Variants in TATDN1 observed in about 807,000 individuals in gnomAD.
The protein encoded by TATDN1 is deoxyribonuclease TATDN1.
A neutral mutation model predicts 46.4 loss-of-function variants in TATDN1; 40 were observed. The ratio of observed to expected loss-of-function variants is 0.86; its 90% CI spans 0.67 to 1.12. TATDN1 has a LOEUF of 1.12. Among genes scored for constraint, TATDN1 ranks in the 50% most tolerant of loss-of-function variants. The pLI is 0.00. For missense variants in TATDN1, 326 were observed against 348.4 expected (o/e 0.94, Z 0.51); for synonymous variants, 95 against 105.6 (o/e 0.90, Z 0.62).
At chr8:124,494,007 AT>A in intron 10 of TATDN1, 48 bp from the exon 11 acceptor site, 2 of 1,530,698 alleles carry the variant, frequency 1.3e-6, no homozygotes, top group Non-Finnish European at 1.7e-6. Context: ...ATTTTTAAAA[AT>A]TTTTTATGAC....
chr8:124,508,788 C>T, intron 6 of TATDN1, 100 bp from the exon 7 acceptor site: 1 of 743,814 alleles, frequency 1.3e-6, no homozygotes, highest in Non-Finnish European at 2.1e-6. Context: ...GTATTTAATT[C>T]TCTAGAAATT....
At chr8:124,528,334 C>T (rs1036615863) in intron 1 of TATDN1, among the ~76,000 whole-genome samples, 5 of 152,124 alleles carry the variant, frequency 3.3e-5, no homozygotes, top group South Asian at 2.1e-4. Context: ...CCGCCACACC[C>T]GGCTAATTTT....
At chr8:124,535,613 T>C (rs1821366616) in intron 1 of TATDN1, among the ~76,000 whole-genome samples, 2 of 152,240 alleles carry the variant, frequency 1.3e-5, no homozygotes, top group Admixed American at 1.3e-4. Context: ...AGTATGATCT[T>C]ATTTTGTTTG....
chr8:124,523,666 T>G (rs959642703), intron 1 of TATDN1, among the ~76,000 whole-genome samples: 1 of 152,212 alleles, frequency 6.6e-6, no homozygotes, highest in African/African-American at 2.4e-5. Flanking sequence ...AAATTAGGTA[T>G]TTTAAGTAAT....
intron 9 of TATDN1, among the ~76,000 whole-genome samples, chr8:124,497,979 G>A (rs944275945): frequency 8.5e-5 from 13 of 152,068 alleles, no homozygotes; most frequent in African/African-American, 3.1e-4. Flanking sequence ...AATCTTTAAG[G>A]AGCTCTTATT....
intron 9 of TATDN1, among the ~76,000 whole-genome samples, chr8:124,498,699 G>A (rs769139651): frequency 2.0e-5 from 3 of 152,102 alleles, no homozygotes; most frequent in East Asian, 3.9e-4. Context: ...CACCTGGGCT[G>A]GAGTGCAATG....
intron 9 of TATDN1, among the ~76,000 whole-genome samples, chr8:124,503,584 T>A (rs1818159510): frequency 6.6e-6 from 1 of 152,210 alleles, no homozygotes; most frequent in Admixed American, 6.5e-5. Context: ...GGAAACATAA[T>A]AATTTTAAGG....
chr8:124,503,846 C>G (rs1233027301), intron 9 of TATDN1: 1 of 1,190,826 alleles, frequency 8.4e-7, no homozygotes, highest in Non-Finnish European at 1.1e-6. Context: ...ATACCTGTTT[C>G]CTAATTTCTT....
intron 10 of TATDN1, chr8:124,494,509 G>GGA (rs1817289435): frequency 1.3e-5 from 2 of 152,302 alleles, no homozygotes; most frequent in South Asian, 4.1e-4. Flanking sequence ...GGTATAAGGA[G>GGA]AGCCTTGACA....
chr8:124,503,435 C>T (rs1324044792), intron 9 of TATDN1, among the ~76,000 whole-genome samples: 2 of 152,200 alleles, frequency 1.3e-5, no homozygotes, highest in East Asian at 3.9e-4. Flanking sequence ...TATTCCCTTG[C>T]ATATTAATTA....
intron 1 of TATDN1, 23 bp downstream of exon 1, chr8:124,539,002 G>A: frequency 6.2e-7 from 1 of 1,614,068 alleles, no homozygotes. Flanking sequence ...AAGACCCAAG[G>A]GCGTGGAAAA....
chr8:124,539,026 G>C lies in TATDN1; in HGVS notation c.21C>G (p.Ile7Met). The change falls in exon 1 of 12, where the codon ATC (isoleucine) becomes ATG (methionine). Residue 7 changes from isoleucine to methionine, a missense_variant and splice_region_variant. Ile to Met is a conservative substitution (Grantham distance 10). Transcript: ENST00000276692. ...GGGCGTGGAAAACGCTCCTCTTACC[G>C]ATAAACTTGAAGCGACTCATGACTG... MSRFKF[I>M]DIGINLTDPM... 6.2e-7 allele frequency: 1 copy of C among 1,613,566 alleles called. No homozygotes were observed. Among genetic ancestry groups the C allele is most frequent in the Non-Finnish European group, 8.5e-7 (1 of 1,179,730 alleles).
intron 3 of TATDN1, among the ~76,000 whole-genome samples, chr8:124,520,486 C>T (rs565435889): frequency 3.7e-4 from 56 of 151,544 alleles, no homozygotes; most frequent in Non-Finnish European, 6.9e-4. Context: ...TTTCTTGTTA[C>T]TAACATACCT....
At chr8:124,517,963 G>T (rs2131492069) in intron 4 of TATDN1, among the ~76,000 whole-genome samples, 1 of 152,254 alleles carries the variant, frequency 6.6e-6, no homozygotes, top group South Asian at 2.1e-4. Flanking sequence ...TGTAATCCCA[G>T]CGCTTTGGGA....
At chr8:124,527,045 T>C (rs1820561243) in intron 1 of TATDN1, among the ~76,000 whole-genome samples, 1 of 152,236 alleles carries the variant, frequency 6.6e-6, no homozygotes, top group South Asian at 2.1e-4. Flanking sequence ...ATTTCTTTTA[T>C]TGACGTGCAA....
intron 2 of TATDN1, 32 bp from the exon 3 acceptor site, chr8:124,522,232 C>A: frequency 6.8e-7 from 1 of 1,465,976 alleles, no homozygotes; most frequent in Non-Finnish European, 9.3e-7. Flanking sequence ...TTATGAAAAC[C>A]TGGCAGACAA....
At chr8:124,503,117 A>C (rs950374087) in intron 9 of TATDN1, among the ~76,000 whole-genome samples, 3 of 152,248 alleles carry the variant, frequency 2.0e-5, no homozygotes, top group African/African-American at 7.2e-5. Context: ...TATAGACATA[A>C]TAATGAAAAC....
intron 6 of TATDN1, among the ~76,000 whole-genome samples, chr8:124,514,912 T>C (rs1440763138): frequency 3.3e-5 from 5 of 152,200 alleles, no homozygotes; most frequent in African/African-American, 1.2e-4. Flanking sequence ...AAATAAGCTT[T>C]TCTAGCTTTG....
intron 6 of TATDN1, among the ~76,000 whole-genome samples, chr8:124,511,724 A>C (rs1198423898): frequency 6.6e-6 from 1 of 152,188 alleles, no homozygotes; most frequent in Non-Finnish European, 1.5e-5. Flanking sequence ...TTAAAAAAAA[A>C]AACTTTTAAA....
Sources: allele counts gnomAD v4.1 joint callset (sites outside exome capture counted in the v4.1 genomes callset), GRCh38; gene constraint gnomAD v4.1.1; transcripts MANE v1.5; gene names NCBI Gene and HGNC (gene_info 2026-07-23, HGNC 2026-07-21).